The following ZNF79 variants were observed in gnomAD, a reference collection of about 807,000 sequenced individuals.
The protein encoded by ZNF79 is ZNFpT7.
A neutral mutation model predicts 14.9 loss-of-function variants in ZNF79; 13 were observed. The ratio of observed to expected loss-of-function variants is 0.87; its 90% CI spans 0.57 to 1.38. ZNF79 has a LOEUF of 1.38. Ranked by LOEUF, ZNF79 falls within the 40% of genes most tolerant of loss-of-function variation. The pLI is 0.00. For synonymous variants in ZNF79, 223 were observed against 235.1 expected (o/e 0.95, Z 0.47); for missense variants, 631 against 630.6 (o/e 1.00, Z -0.01).
chr9:127,437,252 C>A (rs546984147), intron 4 of ZNF79, among the ~76,000 whole-genome samples: 4 of 152,160 alleles, frequency 2.6e-5, no homozygotes, highest in East Asian at 3.9e-4. Flanking sequence ...TTACCTCCCC[C>A]TCATGGTGTG....
In ZNF79 at chr9:127,444,196, G is replaced by A. The variant is rs145349810; in HGVS notation, c.496G>A (p.Glu166Lys). 1.7e-4 allele frequency: 282 copies of A among 1,614,024 alleles called. 1 individual carries two copies. In the African/African-American group the frequency reaches 3.4e-3, roughly 19 times the overall value. ...VLSPQQRVPVEARPRKCETHT... is the reference protein window; with the variant it reads ...VLSPQQRVPVKARPRKCETHT... The stretch of plus-strand genomic sequence containing the variant: ...CTCTCCGCAACAGAGAGTGCCCGTG[G>A]AAGCGAGACCTCGCAAATGTGAGAC... The change falls in exon 5 of 5, where the codon GAA becomes AAA. Residue 166 changes from glutamate to lysine, a missense_variant. Physicochemically the swap from Glu to Lys is moderately conservative, Grantham distance 56. Coordinates refer to ENST00000342483, the MANE Select transcript of ZNF79 (RefSeq NM_007135.3).
At chr9:127,441,763 G>C (rs1834051232) in intron 4 of ZNF79, among the ~76,000 whole-genome samples, 1 of 151,854 alleles carries the variant, frequency 6.6e-6, no homozygotes. Context: ...GGCTAACACG[G>C]TAAAACCCTG....
At chr9:127,424,927 A>AT in intron 1 of ZNF79, 124 bp downstream of exon 1, 4 of 1,543,438 alleles carry the variant, frequency 2.6e-6, no homozygotes, top group Non-Finnish European at 3.5e-6. Context: ...GGAGACAATC[A>AT]TTTTTTCTTT....
chr9:127,435,337 T>C, intron 3 of ZNF79, 121 bp downstream of exon 3: 3 of 1,202,320 alleles, frequency 2.5e-6, no homozygotes, highest in Middle Eastern at 2.1e-4. Context: ...TGTTTATTCC[T>C]CTTGTTCTCT....
At chr9:127,431,971 T>C (rs1214931860) in intron 2 of ZNF79, among the ~76,000 whole-genome samples, 3 of 152,146 alleles carry the variant, frequency 2.0e-5, no homozygotes, top group African/African-American at 7.2e-5. Flanking sequence ...CTCTAACACA[T>C]TGTTTGTTTC....
At chr9:127,433,582 C>A (rs1285314725) in intron 2 of ZNF79, among the ~76,000 whole-genome samples, 1 of 152,192 alleles carries the variant, frequency 6.6e-6, no homozygotes, top group Non-Finnish European at 1.5e-5. Context: ...AGAGTAGGTG[C>A]CGCTTTGTTA....
chr9:127,439,912 G>A (rs1414241213), intron 4 of ZNF79, among the ~76,000 whole-genome samples: 1 of 152,126 alleles, frequency 6.6e-6, no homozygotes, highest in African/African-American at 2.4e-5. Context: ...TCCCAGGCTG[G>A]AGTGCAGTGG....
Position 127,445,247 on chromosome 9 carries a change from C to T in ZNF79, c.*50C>T. 6.3e-7 allele frequency: 1 copy of T among 1,576,922 alleles called. No homozygotes were observed. On this transcript the variant is annotated 3_prime_UTR_variant, in exon 5 of 5. Transcript: ENST00000342483. Reference sequence around the variant, plus strand: ...GAGTCCCGGACATGCCGACTCAGGACAGGTGGGTGAGGATCTGAGAAATGC... The same window carrying T: ...GAGTCCCGGACATGCCGACTCAGGATAGGTGGGTGAGGATCTGAGAAATGC...
chr9:127,438,625 G>A (rs374756861), intron 4 of ZNF79, among the ~76,000 whole-genome samples: 10 of 152,152 alleles, frequency 6.6e-5, no homozygotes, highest in Non-Finnish European at 1.0e-4. Context: ...GAGCCTGTCC[G>A]TGCGGATTCT....
chr9:127,435,090 G>A lies in ZNF79; in HGVS notation c.106G>A (p.Gly36Arg), dbSNP rs557197541. ...AAGLLTAGPRGSTFFSSVTVA... is the reference protein window; with the variant it reads ...AAGLLTAGPRRSTFFSSVTVA... ...AGATGAAATGTGCTTGTTTTTTCAG[G>A]GATCCACATTCTTCAGCAGTGTGAC... Residue 36 changes from glycine (G) to arginine (R), a missense_variant and splice_region_variant, in exon 3 of 5, where the codon GGA becomes AGA. By Grantham distance (125) the Gly-to-Arg change is moderately radical. Transcript: ENST00000342483. 5.6e-6 allele frequency: 9 copies of A among 1,604,576 alleles called. No individual in the cohort carries two copies. The African/African-American group carries it at 1.2e-4, about 22-fold the overall frequency.
intron 4 of ZNF79, among the ~76,000 whole-genome samples, chr9:127,439,426 A>C (rs1834011793): frequency 1.3e-5 from 2 of 152,210 alleles, no homozygotes; most frequent in African/African-American, 4.8e-5. Context: ...TATATAAGCT[A>C]TATGATAGTG....
chr9:127,439,762 A>G (rs1303906735), intron 4 of ZNF79, among the ~76,000 whole-genome samples: 1 of 152,272 alleles, frequency 6.6e-6, no homozygotes, highest in East Asian at 1.9e-4. Flanking sequence ...GCATCATTTT[A>G]GCTGCCATGG....
In ZNF79 at chr9:127,444,685, G is replaced by T. The variant is rs143622306; in HGVS notation, c.985G>T (p.Gly329Trp). ...CACGAACCATCAGAGGACTCACACC[G>T]GGGAGAAGCCCTACAAGTGCAGCGA... ...NLTNHQRTHT[G>W]EKPYKCSECG... The change falls in exon 5 of 5, where the codon GGG becomes TGG. Residue 329 changes from glycine to tryptophan, a missense_variant. Coordinates refer to ENST00000342483, the MANE Select transcript of ZNF79 (RefSeq NM_007135.3). 1.9e-6 allele frequency: 3 copies of T among 1,614,008 alleles called. No homozygotes were observed.
In ZNF79 at chr9:127,435,191, A is replaced by G; in HGVS notation, c.207A>G (p.Gly69=). 1.2e-6 allele frequency: 2 copies of G among 1,611,010 alleles called. No individual in the cohort carries two copies. Among genetic ancestry groups the G allele is most frequent in the South Asian group, 2.2e-5 (2 of 90,700 alleles). Reference sequence around the variant, plus strand: ...ACAGGTTCAAGGAGGGGATACCAGGAAAGTCCAGGAGCCTTGTCCTACTAG... The same window carrying G: ...ACAGGTTCAAGGAGGGGATACCAGGGAAGTCCAGGAGCCTTGTCCTACTAG... ...PRDRFKEGIP[G]KSRSLVLLGL... is the part of the protein sequence containing the mutation. Residue 69 remains glycine (G), a synonymous_variant, in exon 3 of 5, where the codon GGA becomes GGG. Coordinates refer to ENST00000342483, the MANE Select transcript of ZNF79 (RefSeq NM_007135.3).
chr9:127,432,019 T>G (rs1833868949), intron 2 of ZNF79, among the ~76,000 whole-genome samples: 2 of 152,242 alleles, frequency 1.3e-5, no homozygotes, highest in African/African-American at 4.8e-5. Context: ...CCTTTTTTCT[T>G]GACTAGGTAA....
rs1203777953 is a variant in ZNF79 at position 127,444,790 on chromosome 9, G to C, written c.1090G>C (p.Ala364Pro). 3 of 1,587,724 alleles carry C rather than the reference G, an allele frequency of 1.9e-6. No individual in the cohort carries two copies. The highest frequency in any genetic ancestry group is 2.6e-6 in the Non-Finnish European group (3 of 1,168,608). The change falls in exon 5 of 5, where the codon GCC (alanine) becomes CCC (proline). Residue 364 changes from alanine (A) to proline (P), a missense_variant. Ala to Pro is a conservative substitution (Grantham distance 27, BLOSUM62 -1). Coordinates refer to ENST00000342483, the MANE Select transcript of ZNF79 (RefSeq NM_007135.3). ...CACCGGGGAGAAGCCCTACAGATGT[G>C]CCGCGTGTGGGAAGGCCTTCAGCCA... ...IHTGEKPYRC[A>P]ACGKAFSQSA...
intron 2 of ZNF79, among the ~76,000 whole-genome samples, chr9:127,431,410 G>A (rs945941714): frequency 5.9e-5 from 9 of 151,800 alleles, no homozygotes; most frequent in African/African-American, 1.7e-4. Context: ...CACCAGACCC[G>A]GCTAATTTTT....
intron 3 of ZNF79, 123 bp from the exon 4 acceptor site, chr9:127,435,785 A>T: frequency 1.3e-6 from 1 of 768,370 alleles, no homozygotes; most frequent in Non-Finnish European, 2.3e-6. Flanking sequence ...GTAAGAGCTC[A>T]ATAAGGATTT....
At chr9:127,436,606 C>T (rs1196644322) in intron 4 of ZNF79, among the ~76,000 whole-genome samples, 2 of 152,270 alleles carry the variant, frequency 1.3e-5, no homozygotes, top group Non-Finnish European at 2.9e-5. Context: ...GCTCTCTCCC[C>T]TAATCTCTCT....
Sources: allele counts gnomAD v4.1 joint callset (sites outside exome capture counted in the v4.1 genomes callset), GRCh38; gene constraint gnomAD v4.1.1; transcripts MANE v1.5; gene names NCBI Gene and HGNC (gene_info 2026-07-23, HGNC 2026-07-21).